Variants in RP1 observed in about 807,000 individuals in gnomAD.
RP1 encodes the protein RP1 axonemal microtubule associated.
A neutral mutation model predicts 14.8 loss-of-function variants in RP1; 16 were observed. The ratio of observed to expected loss-of-function variants is 1.08; its 90% confidence interval spans 0.73 to 1.65. The LOEUF is 1.65. Among genes scored for constraint, RP1 ranks in the 40% most tolerant of loss-of-function variants. RP1 has a pLI of 0.00. For synonymous variants in RP1, 876 were observed against 883.6 expected, an observed-to-expected ratio of 0.99 and a Z score of 0.15; for missense variants, 2,631 against 2,535.0, an observed-to-expected ratio of 1.04 and a Z score of -0.81.
intron 1 of RP1, among the ~76,000 whole-genome samples, chr8:54,607,798 G>A (rs917203020): frequency 6.6e-6 from 1 of 152,190 alleles, no homozygotes; most frequent in African/African-American, 2.4e-5. Context: ...TCAGACTGCT[G>A]TGCTAGCAAT....
intron 19 of RP1, among the ~76,000 whole-genome samples, chr8:54,751,338 C>T (rs1809364982): frequency 6.6e-6 from 1 of 152,104 alleles, no homozygotes; most frequent in Non-Finnish European, 1.5e-5. Context: ...TCTTGTGGAA[C>T]TTTTATAAAA....
intron 23 of RP1, among the ~76,000 whole-genome samples, chr8:54,781,934 A>G (rs1274267546): frequency 6.6e-6 from 1 of 152,142 alleles, no homozygotes; most frequent in Non-Finnish European, 1.5e-5. Flanking sequence ...ATTTCAGTAA[A>G]CAAGACATCC....
At chr8:54,730,917 A>T (rs1011083600) in intron 17 of RP1, among the ~76,000 whole-genome samples, 1 of 152,122 alleles carries the variant, frequency 6.6e-6, no homozygotes, top group Admixed American at 6.6e-5. Flanking sequence ...TTTGCAGATT[A>T]TATGTTTTGA....
chr8:54,608,087 C>G (rs1394837085), intron 1 of RP1, among the ~76,000 whole-genome samples: 3 of 152,102 alleles, frequency 2.0e-5, no homozygotes, highest in Non-Finnish European at 4.4e-5. Flanking sequence ...GTGATATGAA[C>G]CCGGTACCTC....
chr8:54,804,009 A>G (rs1004818945), intron 24 of RP1, among the ~76,000 whole-genome samples: 1 of 152,170 alleles, frequency 6.6e-6, no homozygotes, highest in Non-Finnish European at 1.5e-5. Flanking sequence ...CGGAGGTTAC[A>G]GTGAGCTGAG....
Position 54,769,136 on chromosome 8 carries a change from C to T in RP1, c.3249-605C>T, listed in dbSNP as rs558259248. ...GTCTCGATCTCCTGACCTCATGATC[C>T]ACCCGCCTTGGCCTCCCAAAGTGCT... On this transcript the variant is annotated intron_variant, in intron 22 of 22. Transcript: ENST00000636932. 1.2e-3 allele frequency among the ~76,000 whole-genome samples: 176 copies of T among 152,206 alleles called. 1 individual carries two copies. Among genetic ancestry groups the T allele is most frequent in the African/African-American group, 4.1e-3 (170 of 41,554 alleles).
intron 24 of RP1, among the ~76,000 whole-genome samples, chr8:54,833,055 A>G (rs1218104098): frequency 6.6e-6 from 1 of 151,996 alleles, no homozygotes; most frequent in East Asian, 1.9e-4. Flanking sequence ...TTGCAGTCAT[A>G]CCTGCATGTG....
chr8:54,865,129 A>T, intron 27 of RP1, among the ~76,000 whole-genome samples: 1 of 152,048 alleles, frequency 6.6e-6, no homozygotes, highest in Non-Finnish European at 1.5e-5. Context: ...CTTTTATTAA[A>T]TTATGCTTTT....
chr8:54,812,093 T>C (rs991947621), intron 24 of RP1, among the ~76,000 whole-genome samples: 1 of 152,240 alleles, frequency 6.6e-6, no homozygotes, highest in Non-Finnish European at 1.5e-5. Context: ...GAAAAACTTA[T>C]AGATGTCATC....
intron 17 of RP1, chr8:54,726,603 G>T (rs572473741): frequency 6.6e-6 from 6 of 907,062 alleles, no homozygotes; most frequent in Admixed American, 7.7e-5. Context: ...TGGACTGCTT[G>T]TAAGCTGTTA....
intron 25 of RP1, among the ~76,000 whole-genome samples, chr8:54,849,270 G>GT (rs1585745111): frequency 6.6e-6 from 1 of 151,668 alleles, no homozygotes; most frequent in East Asian, 1.9e-4. Flanking sequence ...TCTGTTTTTT[G>GT]TTTTTTACTG....
At chr8:54,671,479 T>C (rs1807179414) in intron 7 of RP1, among the ~76,000 whole-genome samples, 1 of 152,102 alleles carries the variant, frequency 6.6e-6, no homozygotes, top group Non-Finnish European at 1.5e-5. Flanking sequence ...GTTGGCCTGC[T>C]TGATGGTGTC....
At chr8:54,838,429 C>T (rs1269319442) in intron 25 of RP1, among the ~76,000 whole-genome samples, 1 of 152,008 alleles carries the variant, frequency 6.6e-6, no homozygotes, top group Non-Finnish European at 1.5e-5. Flanking sequence ...AATGAAATTA[C>T]TGTGTATATG....
intron 24 of RP1, among the ~76,000 whole-genome samples, chr8:54,813,432 T>C (rs1811061722): frequency 6.6e-6 from 1 of 152,196 alleles, no homozygotes; most frequent in African/African-American, 2.4e-5. Context: ...TAGAAATCCA[T>C]GCCATGGTAA....
At chr8:54,660,163 C>T (rs1317493545) in intron 6 of RP1, among the ~76,000 whole-genome samples, 1 of 151,876 alleles carries the variant, frequency 6.6e-6, no homozygotes, top group Admixed American at 6.6e-5. Flanking sequence ...AGTTGGTTAT[C>T]TTTTATTTGT....
At chr8:54,725,596 A>G (rs1040589527) in intron 16 of RP1, among the ~76,000 whole-genome samples, 15 of 152,216 alleles carry the variant, frequency 9.9e-5, no homozygotes, top group African/African-American at 2.9e-4. Flanking sequence ...GTTGACTGCA[A>G]TTGTGGTATT....
chr8:54,629,037 G>C lies in RP1; in HGVS notation c.5155G>C (p.Val1719Leu), dbSNP rs1806169430. 6.2e-7 allele frequency: 1 copy of C among 1,613,972 alleles called. No homozygotes were observed. The highest frequency in any genetic ancestry group is 1.3e-5 in the African/African-American group (1 of 74,916). ...VRDNYCRGDI[V>L]EPGTKQNDDS... The stretch of plus-strand genomic sequence containing the variant: ...GGACAATTATTGTAGGGGTGACATT[G>C]TAGAACCTGGTACAAAACAAAATGA... Residue 1719 changes from valine (V) to leucine (L), a missense_variant, in exon 4 of 4, where the codon GTA (valine) becomes CTA (leucine). Val to Leu is a conservative substitution (Grantham distance 32). Coordinates refer to ENST00000220676, the MANE Select transcript of RP1 (RefSeq NM_006269.2).
At chr8:54,825,631 G>GTTGGTATTAGTTCTATATCTTTCATGA (rs1772204144) in intron 24 of RP1, among the ~76,000 whole-genome samples, 1 of 152,212 alleles carries the variant, frequency 6.6e-6, no homozygotes, top group African/African-American at 2.4e-5. Context: ...CCTGCTGGTT[G>GTTGGTATTAGTTCTATATCTTTCATGA]TTGGTATTAG....
chr8:54,719,344 C>T (rs1357837270), intron 15 of RP1, among the ~76,000 whole-genome samples: 8 of 152,098 alleles, frequency 5.3e-5, no homozygotes, highest in East Asian at 3.9e-4. Context: ...TTATAAAAAG[C>T]GAGAGAGAAA....
Sources: allele counts gnomAD v4.1 joint callset (sites outside exome capture counted in the v4.1 genomes callset), GRCh38; gene constraint gnomAD v4.1.1; transcripts MANE v1.5; gene names NCBI Gene and HGNC (gene_info 2026-07-23, HGNC 2026-07-21).